The following TMEM117 variants were observed in gnomAD, a reference collection of about 807,000 sequenced individuals.
The protein encoded by TMEM117 is transmembrane protein 117.
A neutral mutation model predicts 52.4 loss-of-function variants in TMEM117; 27 were observed. That is an observed-to-expected ratio of 0.51 (90% CI 0.38 to 0.71). The LOEUF is 0.71. Among genes scored for constraint, TMEM117 ranks in the 30% least tolerant of loss-of-function variants. TMEM117 has a pLI of 0.00. For missense variants in TMEM117, 556 were observed against 630.5 expected (o/e 0.88, Z 1.26); for synonymous variants, 215 against 206.3 (o/e 1.04, Z -0.36).
At chr12:44,012,181 G>A (rs2137810502) in intron 3 of TMEM117, among the ~76,000 whole-genome samples, 1 of 152,154 alleles carries the variant, frequency 6.6e-6, no homozygotes, top group Non-Finnish European at 1.5e-5. Flanking sequence ...TCCTTTATAT[G>A]TAAGGTGTTT....
At chr12:44,270,289 G>A (rs1950430215) in intron 5 of TMEM117, among the ~76,000 whole-genome samples, 1 of 152,038 alleles carries the variant, frequency 6.6e-6, no homozygotes, top group African/African-American at 2.4e-5. Flanking sequence ...TTTCAGCCAT[G>A]TTTTGTAGTT....
the TMEM117 span, among the ~76,000 whole-genome samples, chr12:43,798,085 TTTA>T: frequency 3.3e-5 from 5 of 152,140 alleles, no homozygotes; most frequent in Admixed American, 2.6e-4. Context: ...TGGGTTTGTT[TTTA>T]TGTTTGGTTT....
At chr12:43,836,592 A>T in intron 1 of TMEM117, among the ~76,000 whole-genome samples, 1 of 152,134 alleles carries the variant, frequency 6.6e-6, no homozygotes, top group Middle Eastern at 3.2e-3. Flanking sequence ...ACTGAGTAAA[A>T]GCCCTATTTT....
intron 3 of TMEM117, among the ~76,000 whole-genome samples, chr12:44,037,892 A>G (rs966082172): frequency 6.6e-6 from 1 of 151,716 alleles, no homozygotes; most frequent in Non-Finnish European, 1.5e-5. Flanking sequence ...TCCTCTGCTG[A>G]GAGTTGGGCA....
chr12:44,200,980 G>T (rs1949488294), intron 4 of TMEM117, among the ~76,000 whole-genome samples: 1 of 152,124 alleles, frequency 6.6e-6, no homozygotes, highest in South Asian at 2.1e-4. Context: ...AAGAAAAAAG[G>T]AAGAAAATAA....
At chr12:44,036,159 TTCCACTG>T (rs1291972980) in intron 3 of TMEM117, among the ~76,000 whole-genome samples, 2 of 152,222 alleles carry the variant, frequency 1.3e-5, no homozygotes, top group Admixed American at 1.3e-4. Context: ...AATAAATCTC[TTCCACTG>T]AAGTTGCTAT....
At chr12:44,028,839 C>A (rs554705902) in intron 3 of TMEM117, among the ~76,000 whole-genome samples, 1 of 152,112 alleles carries the variant, frequency 6.6e-6, no homozygotes, top group Non-Finnish European at 1.5e-5. Flanking sequence ...TGCACAGGAT[C>A]CAAGAATGGA....
At chr12:43,992,787 G>T (rs1009098439) in intron 3 of TMEM117, among the ~76,000 whole-genome samples, 8 of 152,056 alleles carry the variant, frequency 5.3e-5, no homozygotes, top group African/African-American at 1.9e-4. Context: ...GGCTATGTTC[G>T]ACTCATCATT....
At chr12:44,380,336 A>G (rs1275855220) in intron 7 of TMEM117, among the ~76,000 whole-genome samples, 2 of 152,116 alleles carry the variant, frequency 1.3e-5, no homozygotes, top group Non-Finnish European at 2.9e-5. Context: ...AGGGATGGGA[A>G]GGGAACCTGT....
rs200626881 is a variant in TMEM117, at chr12:44,388,533, T to C, written c.1406T>C (p.Ile469Thr). Reference protein sequence around the residue: ...DPLNDPSLVCIRSDFNEIVYK... With the variant: ...DPLNDPSLVCTRSDFNEIVYK... ...TTGAATGACCCTTCTTTGGTTTGCA[T>C]CAGGTCTGACTTCAATGAGATCGTC... Residue 469 changes from isoleucine to threonine, a missense_variant, in exon 8 of 8, where the codon ATC becomes ACC. Transcript: ENST00000266534. 1.2e-6 allele frequency: 2 copies of C among 1,613,590 alleles called. No individual in the cohort carries two copies. The highest frequency in any genetic ancestry group is 8.5e-7 in the Non-Finnish European group (1 of 1,179,650).
chr12:43,851,376 G>C (rs1263309061), intron 2 of TMEM117, among the ~76,000 whole-genome samples: 2 of 151,998 alleles, frequency 1.3e-5, no homozygotes, highest in Non-Finnish European at 2.9e-5. Context: ...GAATCTTTGG[G>C]TATTAGGATT....
At chr12:43,875,594 T>A (rs533563942) in intron 2 of TMEM117, among the ~76,000 whole-genome samples, 1 of 152,200 alleles carries the variant, frequency 6.6e-6, no homozygotes, top group Non-Finnish European at 1.5e-5. Context: ...TCTCTATCTC[T>A]TGATTATTTT....
intron 5 of TMEM117, among the ~76,000 whole-genome samples, chr12:44,280,400 C>T (rs1017700166): frequency 3.3e-5 from 5 of 152,162 alleles, no homozygotes; most frequent in African/African-American, 1.2e-4. Context: ...ACTACCCACC[C>T]GCTACAATTT....
intron 4 of TMEM117, among the ~76,000 whole-genome samples, chr12:44,177,487 T>C (rs952187585): frequency 6.6e-6 from 1 of 152,326 alleles, no homozygotes; most frequent in South Asian, 2.1e-4. Context: ...TCTGTGTTTA[T>C]TTGTGGCTGT....
chr12:44,224,954 A>G (rs1172300110), intron 5 of TMEM117, among the ~76,000 whole-genome samples: 1 of 152,144 alleles, frequency 6.6e-6, no homozygotes, highest in Non-Finnish European at 1.5e-5. Context: ...CCAGGCTTCT[A>G]TGCAGCATCT....
chr12:44,011,929 C>T (rs1363655847), intron 3 of TMEM117, among the ~76,000 whole-genome samples: 4 of 152,100 alleles, frequency 2.6e-5, no homozygotes, highest in South Asian at 2.1e-4. Context: ...ATTCACTTCC[C>T]AGGAGGGATG....
chr12:43,897,590 G>A (rs1336966597), intron 2 of TMEM117, among the ~76,000 whole-genome samples: 1 of 151,872 alleles, frequency 6.6e-6, no homozygotes, highest in African/African-American at 2.4e-5. Flanking sequence ...TGGAATTATA[G>A]GCGTGAGCCA....
chr12:44,325,507 A>G (rs886657387), intron 6 of TMEM117, among the ~76,000 whole-genome samples: 1 of 150,810 alleles, frequency 6.6e-6, no homozygotes, highest in Non-Finnish European at 1.5e-5. Context: ...ATTATTTATT[A>G]TATTATTTAT....
At chr12:44,267,450 A>G (rs529168338) in intron 5 of TMEM117, among the ~76,000 whole-genome samples, 3 of 152,292 alleles carry the variant, frequency 2.0e-5, no homozygotes, top group Admixed American at 6.5e-5. Flanking sequence ...GAAACCATCA[A>G]CCACAATCTA....
Sources: gnomAD v4.1 joint callset for allele counts (sites outside exome capture counted in the v4.1 genomes callset) on GRCh38, gnomAD v4.1.1 for gene constraint, MANE v1.5 for transcripts, NCBI Gene and HGNC (gene_info 2026-07-23, HGNC 2026-07-21) for gene names.